The following KIRREL3 variants were observed in gnomAD, a reference collection of about 807,000 sequenced individuals.
KIRREL3 encodes the protein kirre like nephrin family adhesion molecule 3, also known as kin of IRRE-like protein 3.
Under a neutral mutation model 89.7 loss-of-function variants are expected in KIRREL3, and 36 were observed. That is an observed-to-expected ratio of 0.40 (90% confidence interval 0.31 to 0.53). The LOEUF is 0.53. Among genes scored for constraint, KIRREL3 ranks in the 20% least tolerant of loss-of-function variants. The pLI is 0.49. For missense variants in KIRREL3, 864 were observed against 1,056.6 expected (o/e 0.82, Z 2.53); for synonymous variants, 445 against 441.4 (o/e 1.01, Z -0.10).
In KIRREL3 at chr11:126,541,057, G is replaced by A. The variant is rs537416240; in HGVS notation, c.134-14370C>T. On this transcript the variant is annotated intron_variant, in intron 2 of 16. Transcript: ENST00000525144. The surrounding 1 kb of genome is among the most constrained non-coding windows in gnomAD (Gnocchi z 4.8). ...TGCAGGCTCGGCTATGGGCAGGCTCGGCTACAGCAGACAGAGTGCCCATCA... is the reference window on the plus strand; with the variant it reads ...TGCAGGCTCGGCTATGGGCAGGCTCAGCTACAGCAGACAGAGTGCCCATCA... 4.6e-5 allele frequency among the ~76,000 whole-genome samples: 7 copies of A among 152,268 alleles called. No homozygotes were observed. Among genetic ancestry groups the A allele is most frequent in the South Asian group, 2.1e-4 (1 of 4,824 alleles).
chr11:126,564,959 A>C lies in KIRREL3; in HGVS notation c.56-2047T>G, dbSNP rs1335922577. On this transcript the variant is annotated intron_variant, in intron 1 of 16. Transcript: ENST00000525144. This position sits in a 1 kb window ranked among gnomAD's most constrained non-coding sequence, Gnocchi z 7.4. Reference sequence around the variant, plus strand: ...AATGATACAATTGCTGACAATTCCTATTATATTTTTGCCATTGACTTCGTA... The same window carrying C: ...AATGATACAATTGCTGACAATTCCTCTTATATTTTTGCCATTGACTTCGTA... Among the ~76,000 whole-genome samples the C allele has an allele frequency of 1.3e-5, 2 of 152,190 alleles. No homozygotes were observed. Among genetic ancestry groups the C allele is most frequent in the East Asian group, 3.8e-4 (2 of 5,202 alleles).
At chr11:126,681,032 T>C (rs997988644) in intron 1 of KIRREL3, among the ~76,000 whole-genome samples, 1 of 152,196 alleles carries the variant, frequency 6.6e-6, no homozygotes, top group African/African-American at 2.4e-5. Flanking sequence ...GGCAAATGTG[T>C]GCATTTTGGT....
Position 126,423,740 on chromosome 11 carries a change from T to C in KIRREL3, c.*840A>G, listed in dbSNP as rs1954815635. The C allele has an allele frequency of 6.6e-6, 1 of 152,222 alleles. No homozygotes were observed. The highest frequency in any genetic ancestry group is 2.4e-5 in the African/African-American group (1 of 41,426). 9.4% of individuals were successfully genotyped at this position (152,222 alleles called of 1,614,324 possible). A position where few individuals can be genotyped will look rare whatever the true frequency, so the allele number is the denominator to read the frequency against. ...CTGACCAGAGAAGCTCCCGCACTTC[T>C]TATATGAACTCCGATTGTGCTGAGG... On this transcript the variant is annotated 3_prime_UTR_variant, in exon 17 of 17. Coordinates refer to ENST00000525144, the MANE Select transcript of KIRREL3 (RefSeq NM_032531.4).
chr11:126,631,444 C>T (rs982711494), intron 1 of KIRREL3, among the ~76,000 whole-genome samples: 2 of 152,302 alleles, frequency 1.3e-5, no homozygotes, highest in Non-Finnish European at 1.5e-5. Flanking sequence ...TATGCAGAAT[C>T]GGAAGATTCT....
In KIRREL3 at chr11:126,516,843, A is replaced by G. The variant is rs1181491652; in HGVS notation, c.433+4472T>C. ...CGGGGTGGCTCACGCTTGTAATCCC[A>G]GCACTTTGGGAGGCCAAGATGGGTG... On this transcript the variant is annotated intron_variant, in intron 4 of 16. Coordinates refer to ENST00000525144, the MANE Select transcript of KIRREL3 (RefSeq NM_032531.4). The surrounding 1 kb of genome is among the most constrained non-coding windows in gnomAD (Gnocchi z 4.9). 6.6e-6 allele frequency among the ~76,000 whole-genome samples: 1 copy of G among 152,206 alleles called. No homozygotes were observed. Among genetic ancestry groups the G allele is most frequent in the African/African-American group, 2.4e-5 (1 of 41,452 alleles).
intron 1 of KIRREL3, among the ~76,000 whole-genome samples, chr11:126,603,970 A>G (rs1174425510): frequency 6.6e-6 from 1 of 152,184 alleles, no homozygotes; most frequent in Non-Finnish European, 1.5e-5. Context: ...ATCTGTTTTG[A>G]GATGGCCAAT....
chr11:126,625,282 C>T (rs1943735367), intron 1 of KIRREL3, among the ~76,000 whole-genome samples: 1 of 152,132 alleles, frequency 6.6e-6, no homozygotes, highest in South Asian at 2.1e-4. Flanking sequence ...AGGACTGCTT[C>T]CCCTGGTCTA....
rs529363489 is a variant in KIRREL3 at position 126,933,010 on chromosome 11, C to A, written c.55+67445G>T. On this transcript the variant is annotated intron_variant, in intron 1 of 16. Coordinates refer to ENST00000525144, the MANE Select transcript of KIRREL3 (RefSeq NM_032531.4). Reference sequence around the variant, plus strand: ...AATTACTGCTGCAGTTGCAGATAAGCATGTACACAAGGCCTTCTTGGCTGT... The same window carrying A: ...AATTACTGCTGCAGTTGCAGATAAGAATGTACACAAGGCCTTCTTGGCTGT... Among the ~76,000 whole-genome samples, 5 of 152,254 alleles carry A rather than the reference C, an allele frequency of 3.3e-5. 1 individual carries two copies. The South Asian group carries it at 1.0e-3, about 32-fold the overall frequency.
At chr11:126,583,969 G>A (rs1379389036) in intron 1 of KIRREL3, among the ~76,000 whole-genome samples, 2 of 152,154 alleles carry the variant, frequency 1.3e-5, no homozygotes, top group Non-Finnish European at 2.9e-5. Context: ...TTTCCTCCGC[G>A]GCAACTATCC....
rs755069812 is a variant in KIRREL3 at position 126,550,347 on chromosome 11, C to T, written c.133+12488G>A. ...GATTTGAATCTAGATTTCTCCTACT[C>T]CTAAGCCACAGGGTTACGTTAAGAA... On this transcript the variant is annotated intron_variant, in intron 2 of 16. Coordinates refer to ENST00000525144, the MANE Select transcript of KIRREL3 (RefSeq NM_032531.4). This position sits in a 1 kb window ranked among gnomAD's most constrained non-coding sequence, Gnocchi z 4.9. 1 of 152,224 alleles carries T rather than the reference C, an allele frequency of 6.6e-6. No individual in the cohort carries two copies. Among genetic ancestry groups the T allele is most frequent in the African/African-American group, 2.4e-5 (1 of 41,440 alleles). The allele number at this position is 152,224 out of a possible 1,614,324, so 9.4% of individuals were successfully genotyped here. A position where few individuals can be genotyped will look rare whatever the true frequency, so the allele number is the denominator to read the frequency against.
In KIRREL3 at chr11:126,614,873, G is replaced by A. The variant is rs556100335; in HGVS notation, c.56-51961C>T. Among the ~76,000 whole-genome samples, 146 of 152,338 alleles carry A rather than the reference G, an allele frequency of 9.6e-4. No individual in the cohort carries two copies. Among genetic ancestry groups the A allele is most frequent in the African/African-American group, 3.2e-3 (134 of 41,572 alleles). ...CTTTGTGGGCTCATGGTGCTGAGAAGATGGATGAGCTGGGGCCGGTAAAAT... is the reference window on the plus strand; with the variant it reads ...CTTTGTGGGCTCATGGTGCTGAGAAAATGGATGAGCTGGGGCCGGTAAAAT... On this transcript the variant is annotated intron_variant, in intron 1 of 16. Transcript: ENST00000525144. This position sits in a 1 kb window ranked among gnomAD's most constrained non-coding sequence, Gnocchi z 4.6.
rs1948819450 is a variant in KIRREL3 at position 126,953,208 on chromosome 11, T to C, written c.55+47247A>G. On this transcript the variant is annotated intron_variant, in intron 1 of 16. Coordinates refer to ENST00000525144, the MANE Select transcript of KIRREL3 (RefSeq NM_032531.4). The surrounding 1 kb of genome is among the most constrained non-coding windows in gnomAD (Gnocchi z 5.2). ...GGGATATGGATGAAACTGGAAACCA[T>C]CATTCTCAGCAAACTAACACAGGAA... Among the ~76,000 whole-genome samples, 1 of 152,076 alleles carries C rather than the reference T, an allele frequency of 6.6e-6. No individual in the cohort carries two copies.
rs1946239357 is a variant in KIRREL3, at chr11:126,677,317, C to A, written c.56-114405G>T. Among the ~76,000 whole-genome samples, 1 of 152,142 alleles carries A rather than the reference C, an allele frequency of 6.6e-6. No homozygotes were observed. The highest frequency in any genetic ancestry group is 2.4e-5 in the African/African-American group (1 of 41,420). On this transcript the variant is annotated intron_variant, in intron 1 of 16. Coordinates refer to ENST00000525144, the MANE Select transcript of KIRREL3 (RefSeq NM_032531.4). The surrounding 1 kb of genome is among the most constrained non-coding windows in gnomAD (Gnocchi z 5.1). ...TAATGAGGAGAGGCTATAGATTCCCCTATTCTGGACATTTCGTATAAGTGG... is the reference window on the plus strand; with the variant it reads ...TAATGAGGAGAGGCTATAGATTCCCATATTCTGGACATTTCGTATAAGTGG...
Position 126,744,730 on chromosome 11 carries a change from ATTC to A in KIRREL3, c.56-181821_56-181819del, listed in dbSNP as rs1256337200. On this transcript the variant is annotated intron_variant, in intron 1 of 16. Transcript: ENST00000525144. The surrounding 1 kb of genome is among the most constrained non-coding windows in gnomAD (Gnocchi z 4.7). ...CCCGATGAACAGTACTCGTATTACT[ATTC>A]TTTATAATGCTCATGCCAATGTCAA... Among the ~76,000 whole-genome samples the A allele has an allele frequency of 6.6e-6, 1 of 152,146 alleles. No homozygotes were observed. The highest frequency in any genetic ancestry group is 1.5e-5 in the Non-Finnish European group (1 of 68,020).
intron 5 of KIRREL3, among the ~76,000 whole-genome samples, chr11:126,472,372 A>G (rs1956918954): frequency 6.6e-6 from 1 of 152,176 alleles, no homozygotes; most frequent in African/African-American, 2.4e-5. Flanking sequence ...TGAGGGACAG[A>G]CACCTGGTTC....
At chr11:126,810,684 G>A (rs139283811) in intron 1 of KIRREL3, among the ~76,000 whole-genome samples, 5 of 152,284 alleles carry the variant, frequency 3.3e-5, no homozygotes, top group African/African-American at 1.2e-4. Flanking sequence ...TTACATTGAA[G>A]AGGGAAATTG....
rs905742506 is a variant in KIRREL3 at position 126,430,564 on chromosome 11, T to C, written c.1696+855A>G. 1.1e-4 allele frequency among the ~76,000 whole-genome samples: 16 copies of C among 152,120 alleles called. No homozygotes were observed. Among genetic ancestry groups the C allele is most frequent in the Non-Finnish European group, 2.4e-4 (16 of 68,026 alleles). On this transcript the variant is annotated intron_variant, in intron 14 of 16. Coordinates refer to ENST00000525144, the MANE Select transcript of KIRREL3 (RefSeq NM_032531.4). The surrounding 1 kb of genome is among the most constrained non-coding windows in gnomAD (Gnocchi z 6.6). ...TGAGACCACATCATTGCTGGGGTGG[T>C]CTTGAGAGCCAAGGCTGCTTAGCTC...
rs149135442 is a variant in KIRREL3, at chr11:126,841,566, T to C, written c.55+158889A>G. Among the ~76,000 whole-genome samples, 665 of 152,380 alleles carry C rather than the reference T, an allele frequency of 4.4e-3. 3 individuals carry two copies. Among genetic ancestry groups the C allele is most frequent in the African/African-American group, 0.015 (632 of 41,596 alleles). On this transcript the variant is annotated intron_variant, in intron 1 of 16. Transcript: ENST00000525144. The stretch of plus-strand genomic sequence containing the variant: ...TTACAGGTTAGTCTGGCCCAATGGA[T>C]GGCTGTGCCCTCAAAGGCAGAGGTC...
intron 1 of KIRREL3, among the ~76,000 whole-genome samples, chr11:126,741,192 C>A (rs1225737405): frequency 1.3e-5 from 2 of 152,196 alleles, no homozygotes; most frequent in Non-Finnish European, 2.9e-5. Flanking sequence ...TTCTGTTCTC[C>A]ATTTCCACTT....
Sources: gnomAD v4.1 joint callset for allele counts (sites outside exome capture counted in the v4.1 genomes callset) on GRCh38, gnomAD v4.1.1 for gene constraint, Gnocchi (gnomAD v3.1) non-coding constraint, MANE v1.5 for transcripts, NCBI Gene and HGNC (gene_info 2026-07-23, HGNC 2026-07-21) for gene names.